The following SH3KBP1 variants were observed in gnomAD, a reference collection of about 807,000 sequenced individuals.
SH3KBP1 encodes the protein SH3 domain-containing kinase-binding protein 1.
A neutral mutation model predicts 50.1 loss-of-function variants in SH3KBP1; 8 were observed. That is an observed-to-expected ratio of 0.16 (90% CI 0.09 to 0.29). SH3KBP1 has a LOEUF of 0.29. SH3KBP1 is among the 10% of genes least tolerant of loss of function. The pLI is 1.00. For synonymous variants in SH3KBP1, 227 were observed against 218.6 expected (o/e 1.04, Z -0.34); for missense variants, 377 against 535.2 (o/e 0.70, Z 2.92).
chrX:19,745,367 G>T (rs1310693079), intron 3 of SH3KBP1, among the ~76,000 whole-genome samples: 1 of 112,263 alleles, frequency 8.9e-6, no homozygotes, highest in East Asian at 2.8e-4. Context: ...AGGAAGAGAG[G>T]CACAAAGCTA....
At position 19,575,570 on chromosome X, in the gene SH3KBP1, C is replaced by G. The variant is rs145048736; in HGVS notation, c.1299-6382G>C. On this transcript the variant is annotated intron_variant, in intron 12 of 17. Coordinates refer to ENST00000397821, the MANE Select transcript of SH3KBP1 (RefSeq NM_031892.3). ...AGCCCTGATCCCTCATGCCAAGCAC[C>G]AGACACAGGCTTAAGTTGAAATGAT... Among the ~76,000 whole-genome samples, 1,008 of 111,551 alleles carry G rather than the reference C, an allele frequency of 9.0e-3. 7 individuals carry two copies. The highest frequency in any genetic ancestry group is 0.012 in the Non-Finnish European group (648 of 53,171).
At chrX:19,565,811 T>C (rs1259312221) in intron 13 of SH3KBP1, among the ~76,000 whole-genome samples, 6 of 111,975 alleles carry the variant, frequency 5.4e-5, no homozygotes, top group African/African-American at 2.0e-4. Flanking sequence ...TGTAATCAGC[T>C]ACAGATCAAA....
chrX:19,773,494 A>AACACACACACAC (rs749894154), intron 2 of SH3KBP1, among the ~76,000 whole-genome samples: 1 of 94,499 alleles, frequency 1.1e-5, no homozygotes, highest in African/African-American at 3.8e-5. Context: ...CACACACACA[A>AACACACACACAC]ACACACACAC....
chrX:19,655,830 T>C (rs911458001), intron 6 of SH3KBP1, among the ~76,000 whole-genome samples: 1 of 111,239 alleles, frequency 9.0e-6, no homozygotes, highest in African/African-American at 3.3e-5. Context: ...AAAAAGAGAA[T>C]ATAGCAGCAG....
At chrX:19,846,348 C>T (rs1216162404) in intron 1 of SH3KBP1, among the ~76,000 whole-genome samples, 1 of 112,560 alleles carries the variant, frequency 8.9e-6, no homozygotes, top group Non-Finnish European at 1.9e-5. Flanking sequence ...CCACATCTGG[C>T]CAGAAAACCA....
intron 1 of SH3KBP1, among the ~76,000 whole-genome samples, chrX:19,877,292 T>C (rs997234176): frequency 8.9e-6 from 1 of 111,965 alleles, no homozygotes; most frequent in Non-Finnish European, 1.9e-5. Context: ...CGAAGTCACT[T>C]CTGTCAAGTG....
intron 6 of SH3KBP1, among the ~76,000 whole-genome samples, chrX:19,681,433 C>T (rs2063049473): frequency 8.9e-6 from 1 of 112,754 alleles, no homozygotes; most frequent in African/African-American, 3.2e-5. Context: ...ATTCATTCAA[C>T]AATATTTATT....
intron 1 of SH3KBP1, among the ~76,000 whole-genome samples, chrX:19,843,991 C>G (rs1244833859): frequency 9.0e-6 from 1 of 111,137 alleles, no homozygotes; most frequent in African/African-American, 3.3e-5. Context: ...CCCAGCAGGC[C>G]TGGGAGCAAA....
At chrX:19,564,674 A>G (rs1199263079) in intron 13 of SH3KBP1, among the ~76,000 whole-genome samples, 1 of 111,285 alleles carries the variant, frequency 9.0e-6, no homozygotes, top group Non-Finnish European at 1.9e-5. Context: ...ATATTTTCAA[A>G]CTAGGTTTTA....
At chrX:19,548,328 TGGAA>T (rs2065141421) in intron 14 of SH3KBP1, among the ~76,000 whole-genome samples, 2 of 111,544 alleles carry the variant, frequency 1.8e-5, no homozygotes, top group Non-Finnish European at 3.8e-5. Context: ...GGGAAGAATT[TGGAA>T]GGAAGACAAA....
chrX:19,702,104 A>C (rs149828272), intron 4 of SH3KBP1, among the ~76,000 whole-genome samples: 2,555 of 112,458 alleles, frequency 0.023, 85 homozygotes, highest in African/African-American at 0.078. Context: ...ATCAAATTCC[A>C]ATAAGCAGAT....
intron 9 of SH3KBP1, 128 bp downstream of exon 9, chrX:19,607,810 G>C: frequency 3.7e-6 from 2 of 540,126 alleles, no homozygotes; most frequent in East Asian, 3.6e-5. Context: ...TGGCAGCCGA[G>C]GGCTCAGAAT....
Position 19,588,744 on chromosome X carries a change from C to T in SH3KBP1, c.1197G>A (p.Pro399=), listed in dbSNP as rs759595410. 28 of 1,196,118 alleles carry T rather than the reference C, an allele frequency of 2.3e-5. 1 individual carries two copies. Among genetic ancestry groups the T allele is most frequent in the South Asian group, 9.2e-5 (5 of 54,506 alleles). The part of the protein sequence containing the change: ...DLQKPSVPAI[P]PKKPRPPKTN... Reference sequence around the variant, plus strand: ...TCTTAGGTGGCCGAGGCTTTTTTGGCGGTATGGCAGGAACGGAGGGCTTCT... The same window carrying T: ...TCTTAGGTGGCCGAGGCTTTTTTGGTGGTATGGCAGGAACGGAGGGCTTCT... The change falls in exon 12 of 18, where the codon CCG becomes CCA. Residue 399 remains proline (P), a synonymous_variant. Transcript: ENST00000397821.
chrX:19,662,097 G>GTTA (rs1437330473), intron 6 of SH3KBP1, among the ~76,000 whole-genome samples: 1 of 111,511 alleles, frequency 9.0e-6, no homozygotes, highest in Non-Finnish European at 1.9e-5. Flanking sequence ...CCTTCTCCAA[G>GTTA]TTATTAGTAA....
intron 13 of SH3KBP1, among the ~76,000 whole-genome samples, chrX:19,566,044 G>A (rs958998604): frequency 9.1e-6 from 1 of 109,458 alleles, no homozygotes; most frequent in Admixed American, 9.7e-5. Flanking sequence ...CCTGGGCTGA[G>A]GTGGGAGGAT....
intron 1 of SH3KBP1, among the ~76,000 whole-genome samples, chrX:19,870,247 A>C (rs1750490722): frequency 8.9e-6 from 1 of 112,696 alleles, no homozygotes; most frequent in Non-Finnish European, 1.9e-5. Flanking sequence ...AAAAAGACTT[A>C]GGGTGGTTGC....
At chrX:19,819,611 A>G (rs1382950395) in intron 2 of SH3KBP1, among the ~76,000 whole-genome samples, 1 of 111,416 alleles carries the variant, frequency 9.0e-6, no homozygotes. Flanking sequence ...CCGCTTCCCA[A>G]AATGCTGGGA....
At position 19,592,084 on chromosome X, in the gene SH3KBP1, T is replaced by C; in HGVS notation, c.1121A>G (p.Asn374Ser). The C allele has an allele frequency of 8.3e-7, 1 of 1,204,741 alleles. No individual in the cohort carries two copies. The highest frequency in any genetic ancestry group is 1.8e-5 in the South Asian group (1 of 56,786). Residue 374 changes from asparagine (N) to serine (S), a missense_variant, in exon 11 of 18, where the codon AAC becomes AGC. This residue lies in a region of SH3KBP1 where 257 missense variants were observed against 374.2 expected (regional missense o/e 0.69). Coordinates refer to ENST00000397821, the MANE Select transcript of SH3KBP1 (RefSeq NM_031892.3). ...TTTCATACCTTTTTCTTCTGTTCTGTTTGGAAGCATTTCTGGTCTTTCAGG... is the reference window on the plus strand; with the variant it reads ...TTTCATACCTTTTTCTTCTGTTCTGCTTGGAAGCATTTCTGGTCTTTCAGG... ...IPPERPEMLP[N>S]RTEEKERPER...
intron 12 of SH3KBP1, 142 bp downstream of exon 12, chrX:19,588,500 AT>A: frequency 1.7e-6 from 2 of 1,205,243 alleles, no homozygotes; most frequent in Non-Finnish European, 2.2e-6. Flanking sequence ...TCTTCAGATA[AT>A]TTTGCTGGAG....
Sources: allele counts gnomAD v4.1 joint callset (sites outside exome capture counted in the v4.1 genomes callset), GRCh38; gene constraint gnomAD v4.1.1; regional missense constraint gnomAD v4.1.1; transcripts MANE v1.5; gene names NCBI Gene and HGNC (gene_info 2026-07-23, HGNC 2026-07-21).